The following PLXNA1 variants were observed in gnomAD, a reference collection of about 807,000 sequenced individuals.
PLXNA1 encodes the protein plexin-A1.
PLXNA1 carries 77 observed loss-of-function variants against 191.7 expected under a neutral mutation model. The observed-to-expected ratio is 0.40, with a 90% confidence interval of 0.33 to 0.49. The LOEUF (loss-of-function observed/expected upper bound fraction) is 0.49. Among genes scored for constraint, PLXNA1 ranks in the 20% least tolerant of loss-of-function variants. PLXNA1 has a pLI of 0.63. For synonymous variants in PLXNA1, 1,137 were observed against 1,156.4 expected, an observed-to-expected ratio of 0.98 and a Z score of 0.34; for missense variants, 2,110 against 2,660.2, an observed-to-expected ratio of 0.79 and a Z score of 4.55.
rs11719489 is a variant in PLXNA1, at chr3:127,014,210, C to T, written c.2439C>T (p.Arg813=). ...QAHLYKCPAL[R]ESCGLCLKAD... is the part of the protein sequence containing the mutation. ...ACCTCTACAAGTGCCCGGCCCTGCG[C>T]GAGAGCTGCGGCCTCTGCCTCAAGG... The change falls in exon 12 of 32, where the codon CGC becomes CGT. Residue 813 remains arginine (R), a synonymous_variant. Coordinates refer to ENST00000393409, the MANE Select transcript of PLXNA1 (RefSeq NM_032242.4). 0.11 allele frequency: 182,156 copies of T among 1,607,742 alleles called. 11,116 individuals carry two copies. The highest frequency in any genetic ancestry group is 0.19 in the Middle Eastern group (1,171 of 6,052).
At position 126,991,572 on chromosome 3, in the gene PLXNA1, G is replaced by A. The variant is rs559852815; in HGVS notation, c.1377+6G>A. 4.8e-5 allele frequency: 74 copies of A among 1,557,422 alleles called. 2 individuals carry two copies. In the South Asian group the frequency reaches 8.7e-4, roughly 18 times the overall value. ...GAAGTGGCCGCATCCGCAAGGTCAG[G>A]CCTGGGTGGGGTGGGGTGAGGAGGG... On this transcript the variant is annotated splice_donor_region_variant and intron_variant, in intron 3 of 31. Transcript: ENST00000393409.
At chr3:127,000,100 C>A (rs1434588179) in intron 3 of PLXNA1, among the ~76,000 whole-genome samples, 2 of 151,272 alleles carry the variant, frequency 1.3e-5, no homozygotes, top group East Asian at 2.0e-4. Context: ...GGAGGGTCCT[C>A]TCAAGCAGGG....
rs772079790 is a variant in PLXNA1 at position 127,006,127 on chromosome 3, A to G, written c.1946A>G (p.Lys649Arg). The G allele has an allele frequency of 3.7e-6, 6 of 1,613,748 alleles. No individual in the cohort carries two copies. The highest frequency in any genetic ancestry group is 1.1e-5 in the South Asian group (1 of 91,090). The stretch of plus-strand genomic sequence containing the variant: ...TACCTAAAGTCCAAGGAGACAGGGA[A>G]GAAGTTTGCGTCTGTGGACTTCGTC... Reference protein sequence around the residue: ...KLYLKSKETGKKFASVDFVFY... With the variant: ...KLYLKSKETGRKFASVDFVFY... The change falls in exon 8 of 32, where the codon AAG (lysine) becomes AGG (arginine). Residue 649 changes from lysine to arginine, a missense_variant. By Grantham distance (26) the Lys-to-Arg change is conservative. Coordinates refer to ENST00000393409, the MANE Select transcript of PLXNA1 (RefSeq NM_032242.4).
chr3:127,017,345 C>T, intron 17 of PLXNA1, 80 bp from the exon 18 acceptor site: 1 of 1,536,576 alleles, frequency 6.5e-7, no homozygotes, highest in Non-Finnish European at 8.8e-7. Context: ...CAGGCAGCCC[C>T]CAGGCCAGGG....
intron 8 of PLXNA1, among the ~76,000 whole-genome samples, chr3:127,007,157 G>A (rs142634990): frequency 1.9e-3 from 293 of 152,278 alleles, no homozygotes; most frequent in Non-Finnish European, 3.4e-3. Flanking sequence ...GGGAGCTGGC[G>A]GGTCAGGAGA....
At chr3:126,984,214 C>A (rs772813698) in intron 1 of PLXNA1, among the ~76,000 whole-genome samples, 20 of 152,054 alleles carry the variant, frequency 1.3e-4, no homozygotes, top group Non-Finnish European at 2.4e-4. Context: ...AGGGGAGGGG[C>A]TCCGAGGGGC....
chr3:127,017,836 TC>T lies in PLXNA1; in HGVS notation c.3605del (p.Ser1202TrpfsTer40). 1 of 1,612,808 alleles carries T rather than the reference TC, an allele frequency of 6.2e-7. No homozygotes were observed. Among genetic ancestry groups the T allele is most frequent in the African/African-American group, 1.3e-5 (1 of 75,002 alleles). ...IGSTPCTLTV[S>X]ETQLLCEAPN... The stretch of plus-strand genomic sequence containing the variant: ...CTCCACACCCTGTACCCTCACCGTG[TC>T]GGAGACGCAACTGCTGTGCGAGGCG... On this transcript the variant is annotated frameshift_variant, in exon 19 of 32. Transcript: ENST00000393409. LOFTEE classifies it high-confidence loss of function.
Position 127,003,420 on chromosome 3 carries a change from C to G in PLXNA1, c.1468C>G (p.Leu490Val), listed in dbSNP as rs371509882. 6.2e-7 allele frequency: 1 copy of G among 1,612,282 alleles called. No homozygotes were observed. The highest frequency in any genetic ancestry group is 1.3e-5 in the African/African-American group (1 of 74,898). Residue 490 changes from leucine (L) to valine (V), a missense_variant, in exon 4 of 32, where the codon CTC becomes GTC. Physicochemically the swap from Leu to Val is conservative, Grantham distance 32. Transcript: ENST00000393409. ...AQEGSPILRD[L>V]VLSPNHQYLY... is the part of the protein sequence containing the mutation. ...GGAGGGCAGCCCCATCCTGCGAGAC[C>G]TCGTCCTCAGCCCCAACCACCAGTA...
intron 23 of PLXNA1, 59 bp from the exon 24 acceptor site, chr3:127,027,881 G>A (rs920890068): frequency 6.2e-7 from 1 of 1,606,912 alleles, no homozygotes; most frequent in Admixed American, 1.7e-5. Context: ...CGGGTGGAGG[G>A]GCAGGTTGGG....
At chr3:127,001,632 A>C (rs539812709) in intron 3 of PLXNA1, among the ~76,000 whole-genome samples, 1 of 152,288 alleles carries the variant, frequency 6.6e-6, no homozygotes, top group South Asian at 2.1e-4. Context: ...CCCAGCCTCC[A>C]CCCAGTCTGT....
intron 29 of PLXNA1, among the ~76,000 whole-genome samples, chr3:127,031,368 C>A (rs1284556398): frequency 6.6e-6 from 1 of 152,192 alleles, no homozygotes; most frequent in Non-Finnish European, 1.5e-5. Flanking sequence ...ACCTGCATGG[C>A]CGAGGGCTTC....
intron 3 of PLXNA1, among the ~76,000 whole-genome samples, chr3:127,000,427 G>T (rs1305120517): frequency 6.6e-6 from 1 of 152,162 alleles, no homozygotes; most frequent in African/African-American, 2.4e-5. Context: ...GCGTCGGCAC[G>T]TGGGCTCCCG....
At chr3:127,030,534 C>T (rs757110954) in intron 29 of PLXNA1, 122 bp downstream of exon 29, 21 of 1,212,482 alleles carry the variant, frequency 1.7e-5, no homozygotes, top group Non-Finnish European at 2.4e-5. Flanking sequence ...GGACACAACC[C>T]AGCAGGGGCA....
intron 3 of PLXNA1, among the ~76,000 whole-genome samples, chr3:126,997,145 G>A (rs984342390): frequency 6.6e-6 from 1 of 152,260 alleles, no homozygotes; most frequent in South Asian, 2.1e-4. Context: ...CATGTTGCGT[G>A]TTTCAAGCAC....
At chr3:127,009,398 G>T (rs1249194560) in intron 9 of PLXNA1, among the ~76,000 whole-genome samples, 1 of 152,100 alleles carries the variant, frequency 6.6e-6, no homozygotes. Flanking sequence ...TGGGCTGGGG[G>T]CACGTGTGGG....
intron 7 of PLXNA1, 62 bp downstream of exon 7, chr3:127,005,305 G>A (rs1291572554): frequency 3.9e-6 from 6 of 1,535,962 alleles, no homozygotes; most frequent in East Asian, 4.8e-5. Context: ...CAATCCAGTT[G>A]CCGCCTGTTT....
At chr3:126,984,060 G>A (rs1481653646) in intron 1 of PLXNA1, among the ~76,000 whole-genome samples, 2 of 152,206 alleles carry the variant, frequency 1.3e-5, no homozygotes, top group Admixed American at 6.5e-5. Flanking sequence ...GGAGGCTTCC[G>A]ATTGCTTCCT....
chr3:126,994,975 AC>A lies in PLXNA1; in HGVS notation c.1377+3414del, dbSNP rs536925824. Among the ~76,000 whole-genome samples, 1,009 of 151,198 alleles carry A rather than the reference AC, an allele frequency of 6.7e-3. 7 individuals are homozygous for A. Among genetic ancestry groups the A allele is most frequent in the Non-Finnish European group, 0.011 (741 of 67,782 alleles). On this transcript the variant is annotated intron_variant, in intron 3 of 31. Transcript: ENST00000393409. ...GGTCTCCTGGAGCTGGGCCCTGGGG[AC>A]CCCCAGCCCACGCTTGACCCAGGGG...
chr3:127,016,577 CA>C lies in PLXNA1; in HGVS notation c.3076del (p.Ile1026SerfsTer15). The C allele has an allele frequency of 6.2e-7, 1 of 1,613,946 alleles. No individual in the cohort carries two copies. Among genetic ancestry groups the C allele is most frequent in the Non-Finnish European group, 8.5e-7 (1 of 1,179,946 alleles). On this transcript the variant is annotated frameshift_variant, in exon 16 of 32. Transcript: ENST00000393409. LOFTEE classifies it high-confidence loss of function. ...CCGGGCAGAGCCCTGGCAGCGCTCCCATCATCATCAACATCAACCGCGCCCA... is the reference window on the plus strand; with the variant it reads ...CCGGGCAGAGCCCTGGCAGCGCTCCCTCATCATCAACATCAACCGCGCCCA... ...PPGQSPGSAP[I>X]IININRAQLT...
Sources: gnomAD v4.1 joint callset for allele counts (sites outside exome capture counted in the v4.1 genomes callset) on GRCh38, gnomAD v4.1.1 for gene constraint, MANE v1.5 for transcripts, NCBI Gene and HGNC (gene_info 2026-07-23, HGNC 2026-07-21) for gene names.